Variants in FOXP2 observed in about 807,000 individuals in gnomAD.
FOXP2 encodes the protein forkhead box P2, also known as forkhead box protein P2.
A neutral mutation model predicts 115.8 loss-of-function variants in FOXP2; 12 were observed. That is an observed-to-expected ratio of 0.10 (90% CI 0.07 to 0.17). FOXP2 has a LOEUF of 0.17. FOXP2 is among the 10% of genes least tolerant of loss of function. The pLI, the probability that FOXP2 is intolerant of heterozygous loss-of-function variation, is 1.00. For missense variants in FOXP2, 629 were observed against 843.5 expected, an observed-to-expected ratio of 0.75 and a Z score of 3.15; for synonymous variants, 328 against 297.7, an observed-to-expected ratio of 1.10 and a Z score of -1.05.
chr7:114,336,596 A>G (rs1797858565), intron 2 of FOXP2, among the ~76,000 whole-genome samples: 1 of 151,570 alleles, frequency 6.6e-6, no homozygotes, highest in Admixed American at 6.6e-5. Flanking sequence ...TCAAGAATAC[A>G]CTGGTGTCCT....
At chr7:114,684,721 C>T (rs1047634789) in intron 16 of FOXP2, among the ~76,000 whole-genome samples, 3 of 152,128 alleles carry the variant, frequency 2.0e-5, no homozygotes, top group Admixed American at 6.5e-5. Flanking sequence ...ATAAATTCAA[C>T]TTATAACTAT....
At position 114,511,737 on chromosome 7, in the gene FOXP2, A is replaced by C. The variant is rs921540157; in HGVS notation, c.169-22880A>C. Among the ~76,000 whole-genome samples the C allele has an allele frequency of 2.0e-5, 3 of 152,150 alleles. No homozygotes were observed. In the South Asian group the frequency reaches 6.2e-4, roughly 32 times the overall value. ...TTCATTATCCTTGATATTGTGAAGG[A>C]TATTGTGGTATTTCCAACCAACTTT... On this transcript the variant is annotated intron_variant, in intron 2 of 16. Coordinates refer to ENST00000350908, the MANE Select transcript of FOXP2 (RefSeq NM_014491.4).
chr7:114,359,531 A>G (rs1020476320), intron 2 of FOXP2, among the ~76,000 whole-genome samples: 1 of 152,218 alleles, frequency 6.6e-6, no homozygotes, highest in Admixed American at 6.5e-5. Flanking sequence ...GCAGATACTC[A>G]ACACCAGCCT....
At chr7:114,393,941 T>C (rs1792671475) in intron 2 of FOXP2, among the ~76,000 whole-genome samples, 1 of 151,494 alleles carries the variant, frequency 6.6e-6, no homozygotes, top group African/African-American at 2.4e-5. Context: ...TTATTGTGGA[T>C]GTAAATATAT....
chr7:114,528,425 A>T (rs1334604960), intron 2 of FOXP2, among the ~76,000 whole-genome samples: 1 of 152,068 alleles, frequency 6.6e-6, no homozygotes, highest in African/African-American at 2.4e-5. Flanking sequence ...GCTTTTGAAG[A>T]TAGAAACAAT....
chr7:114,400,645 T>G (rs1792864472), intron 2 of FOXP2, among the ~76,000 whole-genome samples: 1 of 152,100 alleles, frequency 6.6e-6, no homozygotes, highest in Admixed American at 6.5e-5. Flanking sequence ...ATGAAACTGT[T>G]CCGCTTCAGA....
intron 1 of FOXP2, among the ~76,000 whole-genome samples, chr7:114,232,908 T>C (rs1268193283): frequency 6.6e-6 from 1 of 151,984 alleles, no homozygotes; most frequent in African/African-American, 2.4e-5. Flanking sequence ...ATGAAATAAA[T>C]AAATCGGAGA....
intron 2 of FOXP2, among the ~76,000 whole-genome samples, chr7:114,492,459 G>C (rs1364961247): frequency 6.6e-6 from 1 of 152,032 alleles, no homozygotes; most frequent in Non-Finnish European, 1.5e-5. Flanking sequence ...GCTAGTTTTT[G>C]AATGTGTTTG....
intron 1 of FOXP2, among the ~76,000 whole-genome samples, chr7:114,425,033 G>A (rs1424254865): frequency 2.0e-5 from 3 of 151,054 alleles, no homozygotes; most frequent in East Asian, 3.9e-4. Context: ...TTTAATATTG[G>A]CATTCAAAAA....
At chr7:114,519,029 T>C (rs1798484207) in intron 2 of FOXP2, among the ~76,000 whole-genome samples, 1 of 152,192 alleles carries the variant, frequency 6.6e-6, no homozygotes, top group Admixed American at 6.5e-5. Flanking sequence ...ACAGCAACTA[T>C]TTATTTCACA....
chr7:114,233,877 G>A (rs1462689599), intron 1 of FOXP2, among the ~76,000 whole-genome samples: 9 of 152,112 alleles, frequency 5.9e-5, no homozygotes, highest in African/African-American at 1.4e-4. Flanking sequence ...ACCGTGAATG[G>A]TGGTGCACAC....
intron 2 of FOXP2, among the ~76,000 whole-genome samples, chr7:114,518,264 C>T (rs113727874): frequency 4.0e-3 from 615 of 151,884 alleles, no homozygotes; most frequent in Non-Finnish European, 5.6e-3. Context: ...ATCAAAACAC[C>T]GCACAGTATT....
intron 3 of FOXP2, among the ~76,000 whole-genome samples, chr7:114,539,591 A>G (rs1438218315): frequency 6.6e-6 from 1 of 152,054 alleles, no homozygotes; most frequent in Non-Finnish European, 1.5e-5. Context: ...AATACTGTTT[A>G]CAAGAACAGA....
chr7:114,661,940 T>C, intron 13 of FOXP2, 125 bp from the exon 14 acceptor site: 1 of 1,243,594 alleles, frequency 8.0e-7, no homozygotes, highest in Non-Finnish European at 1.1e-6. Context: ...CATATTTTGA[T>C]TTTAATACTT....
At chr7:114,208,716 A>G (rs1250337930) in intron 1 of FOXP2, among the ~76,000 whole-genome samples, 2 of 152,050 alleles carry the variant, frequency 1.3e-5, no homozygotes, top group Non-Finnish European at 2.9e-5. Context: ...GTCTCATGAT[A>G]GTGAATAAGT....
chr7:114,567,397 G>T (rs1220847378), intron 3 of FOXP2, among the ~76,000 whole-genome samples: 1 of 152,160 alleles, frequency 6.6e-6, no homozygotes, highest in South Asian at 2.1e-4. Context: ...CCACTATTAA[G>T]TGTAAGATCT....
At chr7:114,136,964 G>A (rs1019194722) in intron 1 of FOXP2, among the ~76,000 whole-genome samples, 5 of 151,968 alleles carry the variant, frequency 3.3e-5, no homozygotes, top group African/African-American at 1.2e-4. Context: ...TAAAAGTGCT[G>A]AGGAATGTAG....
At chr7:114,395,141 C>T (rs1251595154) in intron 2 of FOXP2, among the ~76,000 whole-genome samples, 1 of 152,122 alleles carries the variant, frequency 6.6e-6, no homozygotes, top group Admixed American at 6.6e-5. Flanking sequence ...ACAGTATTTT[C>T]CCAACTTCTC....
chr7:114,595,075 T>C (rs1438916850), intron 3 of FOXP2, among the ~76,000 whole-genome samples: 2 of 152,080 alleles, frequency 1.3e-5, no homozygotes, highest in Admixed American at 1.3e-4. Context: ...GAACTTATAC[T>C]TTGAGGAAAC....
Sources: gnomAD v4.1 joint callset for allele counts (sites outside exome capture counted in the v4.1 genomes callset) on GRCh38, gnomAD v4.1.1 for gene constraint, MANE v1.5 for transcripts, NCBI Gene and HGNC (gene_info 2026-07-23, HGNC 2026-07-21) for gene names.